CASZ1: variants seen among roughly 807,000 people sequenced by gnomAD.
CASZ1 encodes the protein castor zinc finger 1.
Under a neutral mutation model 135.2 loss-of-function variants are expected in CASZ1, and 28 were observed. The ratio of observed to expected loss-of-function variants is 0.21; its 90% CI spans 0.15 to 0.28. The LOEUF is 0.28. Ranked by LOEUF, CASZ1 falls within the 10% of genes least tolerant of loss-of-function variation. The pLI is 1.00. For synonymous variants in CASZ1, 1,068 were observed against 1,073.4 expected (o/e 0.99, Z 0.10); for missense variants, 2,161 against 2,453.3 (o/e 0.88, Z 2.52).
chr1:10,793,455 A>T (rs779584666), intron 1 of CASZ1, among the ~76,000 whole-genome samples: 1 of 152,190 alleles, frequency 6.6e-6, no homozygotes, highest in Non-Finnish European at 1.5e-5. Context: ...AGTCTAAAAA[A>T]CAAACAAACA....
At chr1:10,672,022 C>T (rs1431035654) in intron 4 of CASZ1, among the ~76,000 whole-genome samples, 2 of 152,164 alleles carry the variant, frequency 1.3e-5, no homozygotes. Flanking sequence ...CTGGCATCTG[C>T]TCTAGGTCCC....
At position 10,639,851 on chromosome 1, in the gene CASZ1, G is replaced by A; in HGVS notation, c.4371C>T (p.Tyr1457=). The A allele has an allele frequency of 1.2e-6, 2 of 1,612,038 alleles. No individual in the cohort carries two copies. Among genetic ancestry groups the A allele is most frequent in the Non-Finnish European group, 8.5e-7 (1 of 1,179,590 alleles). Residue 1457 remains tyrosine (Y), a synonymous_variant, in exon 21 of 21, where the codon TAC becomes TAT. Coordinates refer to ENST00000377022, the MANE Select transcript of CASZ1 (RefSeq NM_001079843.3). The surrounding 1 kb of genome is among the most constrained non-coding windows in gnomAD (Gnocchi z 4.0). The part of the protein sequence containing the change: ...ACQFSLKVTH[Y]HCTRENCGYK... The stretch of plus-strand genomic sequence containing the variant: ...AGCCGCAGTTCTCGCGCGTGCAGTG[G>A]TAGTGGGTGACCTTGAGCGAGAACT...
intron 2 of CASZ1, among the ~76,000 whole-genome samples, chr1:10,758,932 C>A (rs757744875): frequency 5.3e-5 from 8 of 152,158 alleles, no homozygotes; most frequent in Non-Finnish European, 8.8e-5. Context: ...CCAAGACAGC[C>A]GATGCTAGGA....
At chr1:10,742,398 C>T (rs954648092) in intron 2 of CASZ1, among the ~76,000 whole-genome samples, 2 of 152,266 alleles carry the variant, frequency 1.3e-5, no homozygotes, top group Admixed American at 6.5e-5. Context: ...ATTCTCGGCT[C>T]GGACGCGGGG....
At chr1:10,674,722 G>A (rs1643511994) in intron 4 of CASZ1, among the ~76,000 whole-genome samples, 1 of 152,208 alleles carries the variant, frequency 6.6e-6, no homozygotes, top group African/African-American at 2.4e-5. Context: ...GTAACTGCAG[G>A]GCACCGCGGA....
intron 4 of CASZ1, among the ~76,000 whole-genome samples, chr1:10,672,908 T>C (rs972862207): frequency 1.3e-5 from 2 of 152,204 alleles, no homozygotes; most frequent in African/African-American, 4.8e-5. Flanking sequence ...AATTTTGCGA[T>C]TTGGGGCATT....
rs200158603 is a variant in CASZ1, at chr1:10,658,594, G to C, written c.1341-18C>G. The stretch of plus-strand genomic sequence containing the variant: ...GTCCGTTCCTGGCAAGAGACACACA[G>C]GGCACAGCCGGTGAGCAGATGGGGC... On this transcript the variant is annotated intron_variant, in intron 6 of 20. Transcript: ENST00000377022. 4.3e-6 allele frequency: 7 copies of C among 1,612,252 alleles called. No individual in the cohort carries two copies. Among genetic ancestry groups the C allele is most frequent in the Admixed American group, 1.7e-5 (1 of 60,028 alleles).
chr1:10,693,411 G>T (rs1268829631), intron 4 of CASZ1, among the ~76,000 whole-genome samples: 1 of 144,428 alleles, frequency 6.9e-6, no homozygotes, highest in African/African-American at 2.6e-5. Context: ...CCAACAGGAC[G>T]CTGCTTTCAA....
chr1:10,744,214 A>G (rs1485452768), intron 2 of CASZ1, among the ~76,000 whole-genome samples: 3 of 151,934 alleles, frequency 2.0e-5, no homozygotes, highest in Non-Finnish European at 4.4e-5. Flanking sequence ...AAACTTGCCC[A>G]AAGTCCAGAA....
intron 4 of CASZ1, among the ~76,000 whole-genome samples, chr1:10,688,609 AAC>A (rs371729725): frequency 1.6e-4 from 24 of 152,284 alleles, no homozygotes; most frequent in Middle Eastern, 6.8e-3. Context: ...AGACGCTGCC[AAC>A]ACAGGGGCCC....
At chr1:10,691,096 CCTCTCT>C (rs1557509821) in intron 4 of CASZ1, among the ~76,000 whole-genome samples, 2 of 127,612 alleles carry the variant, frequency 1.6e-5, no homozygotes, top group East Asian at 4.1e-4. Flanking sequence ...TCCCTCCCTC[CCTCTCT>C]TTCCTTTTTT....
chr1:10,748,384 C>T (rs1329078421), intron 2 of CASZ1, among the ~76,000 whole-genome samples: 1 of 152,230 alleles, frequency 6.6e-6, no homozygotes, highest in Non-Finnish European at 1.5e-5. Flanking sequence ...TAGGAGTGGG[C>T]CTAACAGTGA....
Position 10,653,892 on chromosome 1 carries a change from T to C in CASZ1, c.2165A>G (p.Asn722Ser), listed in dbSNP as rs770888993. The C allele has an allele frequency of 7.4e-6, 12 of 1,613,346 alleles. No homozygotes were observed. The highest frequency in any genetic ancestry group is 1.0e-5 in the Non-Finnish European group (12 of 1,179,698). ...AKDTEHEESS[N>S]DDLVDFSALS... ...GGCGGAGAAGTCAACAAGGTCGTCG[T>C]TGCTGGACTCCTCGTGCTCCGTGTC... The change falls in exon 11 of 21, where the codon AAC becomes AGC. Residue 722 changes from asparagine (N) to serine (S), a missense_variant. Coordinates refer to ENST00000377022, the MANE Select transcript of CASZ1 (RefSeq NM_001079843.3).
intron 2 of CASZ1, among the ~76,000 whole-genome samples, chr1:10,746,146 C>T (rs146086529): frequency 2.6e-4 from 39 of 152,344 alleles, no homozygotes; most frequent in Admixed American, 7.8e-4. Flanking sequence ...ATACTGTTCC[C>T]GCTGTCCAGG....
At chr1:10,752,431 C>G (rs1640166219) in intron 2 of CASZ1, among the ~76,000 whole-genome samples, 1 of 152,214 alleles carries the variant, frequency 6.6e-6, no homozygotes, top group African/African-American at 2.4e-5. Flanking sequence ...CTGGTGGCCA[C>G]AGATGTCCCT....
intron 4 of CASZ1, among the ~76,000 whole-genome samples, chr1:10,672,071 C>T (rs1321534870): frequency 2.6e-5 from 4 of 152,188 alleles, no homozygotes; most frequent in South Asian, 2.1e-4. Flanking sequence ...GGTGGGGGAC[C>T]TGCCCAGGCC....
intron 4 of CASZ1, among the ~76,000 whole-genome samples, chr1:10,685,640 T>C (rs1282022770): frequency 6.6e-6 from 1 of 152,190 alleles, no homozygotes; most frequent in Non-Finnish European, 1.5e-5. Context: ...CCTCCGCTGT[T>C]TTCTCTCTGA....
At chr1:10,761,497 T>C (rs1265632435) in intron 1 of CASZ1, among the ~76,000 whole-genome samples, 6 of 152,108 alleles carry the variant, frequency 3.9e-5, no homozygotes, top group African/African-American at 9.7e-5. Flanking sequence ...TGTGGGCCCT[T>C]GCCCTGAAAG....
Position 10,665,437 on chromosome 1 carries a change from C to T in CASZ1, c.151G>A (p.Gly51Ser), listed in dbSNP as rs763758346. The T allele has an allele frequency of 6.2e-6, 10 of 1,611,760 alleles. No homozygotes were observed. The highest frequency in any genetic ancestry group is 8.5e-6 in the Non-Finnish European group (10 of 1,179,814). Residue 51 changes from glycine to serine, a missense_variant, in exon 5 of 21, where the codon GGC becomes AGC. Physicochemically the swap from Gly to Ser is moderately conservative, Grantham distance 56. Around this residue, in one of 7 missense-constraint regions of CASZ1, gnomAD observed 590 missense variants for 609.8 expected, o/e 0.97. Coordinates refer to ENST00000377022, the MANE Select transcript of CASZ1 (RefSeq NM_001079843.3). ...QVVVEKRADA[G>S]SHTEGSPSQP... ...GATGGGCTGCCCTCCGTGTGGGAGCCGGCGTCAGCTCGCTTCTCCACCACC... is the reference window on the plus strand; with the variant it reads ...GATGGGCTGCCCTCCGTGTGGGAGCTGGCGTCAGCTCGCTTCTCCACCACC...
Sources: gnomAD v4.1 joint callset for allele counts (sites outside exome capture counted in the v4.1 genomes callset) on GRCh38, gnomAD v4.1.1 for gene constraint, gnomAD v4.1.1 regional missense constraint, Gnocchi (gnomAD v3.1) non-coding constraint, MANE v1.5 for transcripts, NCBI Gene and HGNC (gene_info 2026-07-23, HGNC 2026-07-21) for gene names.